TP63: variants seen among roughly 807,000 people sequenced by gnomAD.
The protein encoded by TP63 is tumor protein p63, also known as tumor protein 63.
TP63 carries 17 observed loss-of-function variants against 82.8 expected under a neutral mutation model. That is an observed-to-expected ratio of 0.21 (90% CI 0.14 to 0.31). TP63 has a LOEUF of 0.31. Ranked by LOEUF, TP63 falls within the 10% of genes least tolerant of loss-of-function variation. TP63 has a pLI of 1.00. For missense variants in TP63, 648 were observed against 895.3 expected (o/e 0.72, Z 3.52); for synonymous variants, 330 against 321.7 (o/e 1.03, Z -0.28).
intron 4 of TP63, among the ~76,000 whole-genome samples, chr3:189,840,886 T>TCAAGGTTTCC (rs1279772068): frequency 1.3e-5 from 2 of 150,680 alleles, no homozygotes; most frequent in Non-Finnish European, 3.0e-5. Flanking sequence ...AAACAACTAT[T>TCAAGGTTTCC]CAAGGTTTCC....
At chr3:189,750,867 G>A (rs966383503) in intron 3 of TP63, among the ~76,000 whole-genome samples, 30 of 151,916 alleles carry the variant, frequency 2.0e-4, no homozygotes, top group African/African-American at 6.5e-4. Flanking sequence ...TGTGCACCAC[G>A]TGTAGGTTTG....
intron 1 of TP63, among the ~76,000 whole-genome samples, chr3:189,697,036 G>A (rs1717429010): frequency 1.3e-5 from 2 of 151,778 alleles, no homozygotes; most frequent in Admixed American, 1.3e-4. Context: ...TTTAATTTTA[G>A]TAAAGTCTAA....
intron 1 of TP63, among the ~76,000 whole-genome samples, chr3:189,638,055 T>C (rs187928055): frequency 2.0e-5 from 3 of 152,278 alleles, no homozygotes; most frequent in African/African-American, 7.2e-5. Flanking sequence ...AATGAGGTCC[T>C]GCCAACACCT....
chr3:189,826,066 A>T lies in TP63; in HGVS notation c.579+17540A>T, dbSNP rs144801075. Among the ~76,000 whole-genome samples, 966 of 152,356 alleles carry T rather than the reference A, an allele frequency of 6.3e-3. 6 individuals carry two copies. Among genetic ancestry groups the T allele is most frequent in the Non-Finnish European group, 9.2e-3 (625 of 68,038 alleles). On this transcript the variant is annotated intron_variant, in intron 4 of 13. Transcript: ENST00000264731. ...GGAAATGGTGAGAAAAATATTAAGG[A>T]CATTTAAAACTTAAAGTTTTATGGT...
chr3:189,635,702 C>T (rs547024811), intron 1 of TP63, among the ~76,000 whole-genome samples: 33 of 152,126 alleles, frequency 2.2e-4, no homozygotes, highest in Middle Eastern at 6.8e-3. Context: ...AACCATTTCC[C>T]GCCATTGCTA....
At chr3:189,873,150 C>T (rs1440672826) in intron 10 of TP63, 155 bp downstream of exon 10, 1 of 1,115,676 alleles carries the variant, frequency 9.0e-7, no homozygotes, top group Non-Finnish European at 1.4e-6. Flanking sequence ...CTTTCAGTTG[C>T]AACCTTTTTT....
At chr3:189,795,982 A>T (rs1415153622) in intron 3 of TP63, among the ~76,000 whole-genome samples, 1 of 152,078 alleles carries the variant, frequency 6.6e-6, no homozygotes, top group Non-Finnish European at 1.5e-5. Flanking sequence ...TAGGAACAAA[A>T]TTCAAACTGA....
At chr3:189,703,381 G>A (rs539155942) in intron 1 of TP63, among the ~76,000 whole-genome samples, 23 of 152,148 alleles carry the variant, frequency 1.5e-4, no homozygotes, top group Middle Eastern at 3.4e-3. Flanking sequence ...AGCCAAGATC[G>A]TGCCACTGCA....
intron 1 of TP63, among the ~76,000 whole-genome samples, chr3:189,690,122 G>GA (rs10707339): frequency 6.6e-6 from 1 of 151,880 alleles, no homozygotes; most frequent in Non-Finnish European, 1.5e-5. Flanking sequence ...GTGGCCTTGG[G>GA]AAAAATCGCT....
At chr3:189,794,641 G>A (rs1725508760) in intron 3 of TP63, among the ~76,000 whole-genome samples, 1 of 152,012 alleles carries the variant, frequency 6.6e-6, no homozygotes, top group Non-Finnish European at 1.5e-5. Context: ...ATGCAAGATA[G>A]AGTGGCTCAG....
At chr3:189,815,643 AG>A (rs1728104557) in intron 4 of TP63, among the ~76,000 whole-genome samples, 1 of 152,204 alleles carries the variant, frequency 6.6e-6, no homozygotes, top group African/African-American at 2.4e-5. Context: ...AAAACACTAC[AG>A]GCCAAACAAA....
chr3:189,757,844 C>T (rs968934359), intron 3 of TP63, among the ~76,000 whole-genome samples: 1 of 152,048 alleles, frequency 6.6e-6, no homozygotes, highest in Non-Finnish European at 1.5e-5. Flanking sequence ...TTGCAGCCAG[C>T]ACCAGGGAAA....
At chr3:189,834,000 G>A (rs1370193136) in intron 4 of TP63, among the ~76,000 whole-genome samples, 1 of 152,168 alleles carries the variant, frequency 6.6e-6, no homozygotes, top group Non-Finnish European at 1.5e-5. Context: ...ATAAGTAAAA[G>A]TAAAAGAAGT....
At chr3:189,869,750 T>C (rs921237219) in intron 9 of TP63, among the ~76,000 whole-genome samples, 2 of 151,642 alleles carry the variant, frequency 1.3e-5, no homozygotes, top group South Asian at 4.2e-4. Flanking sequence ...AAAATCCCAT[T>C]TATGAAGGCT....
intron 4 of TP63, among the ~76,000 whole-genome samples, chr3:189,840,590 G>A (rs1257881665): frequency 6.6e-6 from 1 of 151,708 alleles, no homozygotes; most frequent in Admixed American, 6.6e-5. Context: ...GCTGGGTGCG[G>A]TGGCTCACGC....
the TP63 span, among the ~76,000 whole-genome samples, chr3:189,618,308 T>A: frequency 6.6e-6 from 1 of 152,202 alleles, no homozygotes; most frequent in South Asian, 2.1e-4. Flanking sequence ...GGTCAAAGAA[T>A]CTAATGAGAA....
intron 13 of TP63, among the ~76,000 whole-genome samples, chr3:189,891,683 C>T (rs1371574356): frequency 6.6e-6 from 1 of 152,148 alleles, no homozygotes; most frequent in Non-Finnish European, 1.5e-5. Flanking sequence ...CGAGAGGGGA[C>T]TTTTTCTTGC....
intron 4 of TP63, among the ~76,000 whole-genome samples, chr3:189,854,879 G>A (rs11719667): frequency 0.27 from 41,071 of 152,088 alleles, 5,854 homozygotes; most frequent in South Asian, 0.34. Flanking sequence ...CAGTAACACT[G>A]TAAAGTTGGG....
chr3:189,815,728 A>G (rs1359894583), intron 4 of TP63, among the ~76,000 whole-genome samples: 1 of 152,142 alleles, frequency 6.6e-6, no homozygotes, highest in Admixed American at 6.5e-5. Flanking sequence ...ATGTTTAAAT[A>G]AATTAATTGG....
Sources: gnomAD v4.1 joint callset for allele counts (sites outside exome capture counted in the v4.1 genomes callset) on GRCh38, gnomAD v4.1.1 for gene constraint, MANE v1.5 for transcripts, NCBI Gene and HGNC (gene_info 2026-07-23, HGNC 2026-07-21) for gene names.